SMR3A: variants seen among roughly 807,000 people sequenced by gnomAD.
The protein encoded by SMR3A is submaxillary gland androgen regulated protein 3A.
For missense variants in SMR3A, 188 were observed against 163.0 expected (o/e 1.15, Z -0.84); for synonymous variants, 48 against 57.4 (o/e 0.84, Z 0.74).
intron 2 of SMR3A, among the ~76,000 whole-genome samples, chr4:70,364,199 A>G (rs886759056): frequency 2.0e-5 from 3 of 152,058 alleles, no homozygotes; most frequent in Admixed American, 6.6e-5. Context: ...TTGAAACTGA[A>G]TCTTTTATAA....
intron 1 of SMR3A, 75 bp from the exon 2 acceptor site, chr4:70,362,027 A>G: frequency 6.2e-7 from 1 of 1,603,638 alleles, no homozygotes; most frequent in South Asian, 1.1e-5. Context: ...CATTATATCC[A>G]TGTGTTGAGA....
chr4:70,365,110 C>T (rs960158549), intron 2 of SMR3A, among the ~76,000 whole-genome samples: 8 of 151,988 alleles, frequency 5.3e-5, no homozygotes, highest in African/African-American at 1.9e-4. Flanking sequence ...TGGCATGCTC[C>T]CTCCTTATTT....
chr4:70,361,950 G>A (rs1430815692), intron 1 of SMR3A, among the ~76,000 whole-genome samples, 152 bp from the exon 2 acceptor site: 1 of 151,882 alleles, frequency 6.6e-6, no homozygotes, highest in East Asian at 1.9e-4. Context: ...TTGTCCCACA[G>A]TAATACTGAA....
intron 2 of SMR3A, among the ~76,000 whole-genome samples, chr4:70,362,525 T>C (rs751270371): frequency 5.3e-5 from 8 of 151,764 alleles, no homozygotes; most frequent in Non-Finnish European, 1.0e-4. Flanking sequence ...AACTCACTTA[T>C]TAAAAATATA....
At position 70,363,373 on chromosome 4, in the gene SMR3A, A is replaced by G. The variant is rs3775734; in HGVS notation, c.54+1204A>G. Among the ~76,000 whole-genome samples the G allele has an allele frequency of 1.7e-3, 258 of 152,064 alleles. 10 individuals are homozygous for G. In the East Asian group the frequency reaches 0.047, roughly 28 times the overall value. ...GCATATACATATTTGTAGATGGGGT[A>G]AGTCATCATATTCAGCCTGTTACCT... On this transcript the variant is annotated intron_variant, in intron 2 of 2. Coordinates refer to ENST00000226460, the MANE Select transcript of SMR3A (RefSeq NM_012390.4).
chr4:70,362,602 G>C (rs1314724064), intron 2 of SMR3A, among the ~76,000 whole-genome samples: 7 of 151,812 alleles, frequency 4.6e-5, no homozygotes, highest in African/African-American at 1.7e-4. Context: ...GAGGATTTAG[G>C]AGAATCTTTG....
chr4:70,362,188 G>C lies in SMR3A; in HGVS notation c.54+19G>C, dbSNP rs759123618. ...TTTCACAGTAAGTATCATTAATCAC[G>C]ATCACACATCTTTATACTTTCTCAT... On this transcript the variant is annotated intron_variant, in intron 2 of 2. Transcript: ENST00000226460. 1 of 1,611,350 alleles carries C rather than the reference G, an allele frequency of 6.2e-7. No homozygotes were observed. The highest frequency in any genetic ancestry group is 1.3e-5 in the African/African-American group (1 of 74,748).
chr4:70,367,024 C>A lies in SMR3A; in HGVS notation c.*30C>A, dbSNP rs777714779. On this transcript the variant is annotated 3_prime_UTR_variant, in exon 3 of 3. Transcript: ENST00000226460. ...AGACAACTGCAACAGGTGCCACCAC[C>A]CACAAAAGACAACACTACCCTCGTA... is the stretch of plus-strand genomic sequence containing the variant. The A allele has an allele frequency of 1.3e-6, 2 of 1,580,366 alleles. No individual in the cohort carries two copies. Among genetic ancestry groups the A allele is most frequent in the South Asian group, 2.2e-5 (2 of 90,002 alleles).
At chr4:70,362,063 A>G (rs1732159699) in intron 1 of SMR3A, 39 bp from the exon 2 acceptor site, 4 of 1,609,120 alleles carry the variant, frequency 2.5e-6, no homozygotes, top group Non-Finnish European at 2.5e-6. Context: ...TTTTTAATAA[A>G]AAACAATCAT....
At chr4:70,361,548 G>A (rs4602563) in intron 1 of SMR3A, among the ~76,000 whole-genome samples, 122,310 of 151,790 alleles carry the variant, frequency 0.81, 49,403 homozygotes, top group South Asian at 0.83. Context: ...TTAATTTAGT[G>A]GAATGTTGTT....
At chr4:70,362,210 T>C in intron 2 of SMR3A, 41 bp downstream of exon 2, 1 of 1,609,758 alleles carries the variant, frequency 6.2e-7, no homozygotes, top group Non-Finnish European at 8.5e-7. Flanking sequence ...TTATACTTTC[T>C]CATTAACCAT....
At position 70,367,102 on chromosome 4, in the gene SMR3A, C is replaced by G; in HGVS notation, c.*108C>G. 1 of 932,076 alleles carries G rather than the reference C, an allele frequency of 1.1e-6. No individual in the cohort carries two copies. 57.7% of individuals were successfully genotyped at this position (932,076 alleles called of 1,614,324 possible). On this transcript the variant is annotated 3_prime_UTR_variant, in exon 3 of 3. Transcript: ENST00000226460. ...GAATTTCAACACTACTTCCAAGAGA[C>G]TTTTAGATAAAATCACTTCCATTTT...
chr4:70,363,129 G>A (rs1177966804), intron 2 of SMR3A, among the ~76,000 whole-genome samples: 2 of 151,826 alleles, frequency 1.3e-5, no homozygotes, highest in Non-Finnish European at 2.9e-5. Flanking sequence ...TCATCATAAA[G>A]CTGATTTTCA....
chr4:70,361,043 T>C (rs1732137696), intron 1 of SMR3A, among the ~76,000 whole-genome samples: 1 of 151,902 alleles, frequency 6.6e-6, no homozygotes, highest in South Asian at 2.1e-4. Flanking sequence ...GGACAATTAG[T>C]CCACCCAAGT....
At chr4:70,365,371 C>T (rs1040854303) in intron 2 of SMR3A, among the ~76,000 whole-genome samples, 2 of 152,020 alleles carry the variant, frequency 1.3e-5, no homozygotes, top group Admixed American at 1.3e-4. Flanking sequence ...GCCACCATAT[C>T]CAGCCTCAGC....
rs1462341355 is a variant in SMR3A, at chr4:70,366,954, A to G, written c.365A>G (p.Asn122Ser). Reference sequence around the variant, plus strand: ...CCTGGACCTCCATTTTTCCCTGTAAATTCTCCAACTGATCCTGCCCTCCCT... The same window carrying G: ...CCTGGACCTCCATTTTTCCCTGTAAGTTCTCCAACTGATCCTGCCCTCCCT... Reference protein sequence around the residue: ...YPPGPPFFPVNSPTDPALPTP... With the variant: ...YPPGPPFFPVSSPTDPALPTP... Residue 122 changes from asparagine (N) to serine (S), a missense_variant, in exon 3 of 3, where the codon AAT becomes AGT. Physicochemically the swap from Asn to Ser is conservative, Grantham distance 46. Transcript: ENST00000226460. 1 of 1,613,408 alleles carries G rather than the reference A, an allele frequency of 6.2e-7. No homozygotes were observed. Among genetic ancestry groups the G allele is most frequent in the South Asian group, 1.1e-5 (1 of 91,056 alleles).
chr4:70,363,992 G>A (rs1447749955), intron 2 of SMR3A, among the ~76,000 whole-genome samples: 1 of 151,974 alleles, frequency 6.6e-6, no homozygotes, highest in Non-Finnish European at 1.5e-5. Context: ...TGGTCCCACA[G>A]AAGTGCCTTG....
At chr4:70,364,313 G>A (rs188529533) in intron 2 of SMR3A, among the ~76,000 whole-genome samples, 48 of 151,940 alleles carry the variant, frequency 3.2e-4, no homozygotes, top group African/African-American at 1.0e-3. Context: ...TCAAATCAAC[G>A]GGCCCTACAG....
intron 2 of SMR3A, among the ~76,000 whole-genome samples, chr4:70,365,126 T>G (rs1336101858): frequency 6.6e-6 from 1 of 152,062 alleles, no homozygotes; most frequent in African/African-American, 2.4e-5. Context: ...TATTTTGTAT[T>G]CTTTAAGCCT....
Sources: allele counts gnomAD v4.1 joint callset (sites outside exome capture counted in the v4.1 genomes callset), GRCh38; gene constraint gnomAD v4.1.1; transcripts MANE v1.5; gene names NCBI Gene and HGNC (gene_info 2026-07-23, HGNC 2026-07-21).